The following PLEKHB2 variants were observed in gnomAD, a reference collection of about 807,000 sequenced individuals.
PLEKHB2 encodes the protein pleckstrin homology domain containing B2.
Under a neutral mutation model 36.5 loss-of-function variants are expected in PLEKHB2, and 31 were observed. The observed-to-expected ratio is 0.85, with a 90% CI of 0.64 to 1.15. PLEKHB2 has a LOEUF of 1.15. PLEKHB2 is among the 50% of genes most tolerant of loss of function. PLEKHB2 has a pLI of 0.00. For missense variants in PLEKHB2, 262 were observed against 295.3 expected (o/e 0.89, Z 0.83); for synonymous variants, 119 against 112.0 (o/e 1.06, Z -0.39).
chr2:131,138,245 T>G (rs1299276300), intron 6 of PLEKHB2, among the ~76,000 whole-genome samples: 2 of 152,082 alleles, frequency 1.3e-5, no homozygotes, highest in African/African-American at 4.8e-5. Context: ...ATGTATGTCT[T>G]TATATACTTT....
intron 1 of PLEKHB2, among the ~76,000 whole-genome samples, chr2:131,108,677 G>A (rs1694975754): frequency 6.6e-6 from 1 of 152,208 alleles, no homozygotes. Flanking sequence ...TTACAAATTT[G>A]TGTTGGGCTG....
chr2:131,114,078 G>A (rs554900169), intron 1 of PLEKHB2, among the ~76,000 whole-genome samples: 3 of 152,010 alleles, frequency 2.0e-5, no homozygotes, highest in African/African-American at 4.8e-5. Flanking sequence ...GTTGTGTCTC[G>A]TCTGCTTTTG....
chr2:131,137,739 T>C (rs1448580718), intron 6 of PLEKHB2, among the ~76,000 whole-genome samples: 8 of 152,130 alleles, frequency 5.3e-5, no homozygotes, highest in Non-Finnish European at 7.3e-5. Context: ...TGTCTCTCAA[T>C]TTCATTGATT....
chr2:131,146,835 A>C lies in PLEKHB2; in HGVS notation c.*62A>C. The C allele has an allele frequency of 7.1e-7, 1 of 1,403,890 alleles. No individual in the cohort carries two copies. Among genetic ancestry groups the C allele is most frequent in the Admixed American group, 2.4e-5 (1 of 41,252 alleles). 87.0% of individuals were successfully genotyped at this position (1,403,890 alleles called of 1,614,324 possible). A position where few individuals can be genotyped will look rare whatever the true frequency, so the allele number is the denominator to read the frequency against. On this transcript the variant is annotated 3_prime_UTR_variant, in exon 8 of 8. Coordinates refer to ENST00000693505, the MANE Select transcript of PLEKHB2 (RefSeq NM_001100623.2). ...CCCTGTGTGCAATAATATGATTTGC[A>C]GGGCATTTCTGTTTGTGACAAAAGT...
chr2:131,133,016 G>A, intron 6 of PLEKHB2, 25 bp downstream of exon 6: 1 of 1,564,838 alleles, frequency 6.4e-7, no homozygotes, highest in Non-Finnish European at 8.8e-7. Flanking sequence ...GAGCCTCCAG[G>A]TGAGGGAAGT....
chr2:131,123,578 G>A (rs1485495647), intron 2 of PLEKHB2, among the ~76,000 whole-genome samples: 8 of 152,190 alleles, frequency 5.3e-5, no homozygotes, highest in Non-Finnish European at 1.0e-4. Context: ...AGGCTGGAGT[G>A]CAATGGCATG....
At chr2:131,121,409 C>T (rs146058029) in intron 2 of PLEKHB2, among the ~76,000 whole-genome samples, 2,433 of 151,714 alleles carry the variant, frequency 0.016, 60 homozygotes, top group African/African-American at 0.056. Context: ...CCACCATGCC[C>T]GGCTAATTTT....
At chr2:131,142,173 A>G (rs1221024246) in intron 7 of PLEKHB2, among the ~76,000 whole-genome samples, 1 of 152,218 alleles carries the variant, frequency 6.6e-6, no homozygotes, top group African/African-American at 2.4e-5. Context: ...AAACCATGCA[A>G]ACATGGAAAA....
intron 1 of PLEKHB2, among the ~76,000 whole-genome samples, chr2:131,114,014 G>A (rs751494904): frequency 7.0e-4 from 107 of 152,192 alleles, no homozygotes; most frequent in Admixed American, 2.0e-3. Flanking sequence ...AAGTAGAGGT[G>A]GCCATATTTT....
chr2:131,128,865 G>T (rs975171593), intron 4 of PLEKHB2, among the ~76,000 whole-genome samples: 3 of 152,178 alleles, frequency 2.0e-5, no homozygotes, highest in African/African-American at 7.2e-5. Context: ...AACTGAATTG[G>T]CAGACCAAAG....
At chr2:131,115,668 C>CT (rs1695800333) in intron 1 of PLEKHB2, among the ~76,000 whole-genome samples, 1 of 152,056 alleles carries the variant, frequency 6.6e-6, no homozygotes, top group Non-Finnish European at 1.5e-5. Context: ...TATGTCTTTT[C>CT]TTTAACACAT....
intron 7 of PLEKHB2, among the ~76,000 whole-genome samples, chr2:131,145,111 A>G (rs548182630): frequency 1.3e-5 from 2 of 152,332 alleles, no homozygotes; most frequent in East Asian, 3.9e-4. Flanking sequence ...GTATAAATGC[A>G]TACTGTAGCC....
chr2:131,126,132 G>A lies in PLEKHB2; in HGVS notation c.190+227G>A, dbSNP rs192110786. ...CCTCGTTCTCGTGGAGAGGGAGCCA[G>A]AGCTCTGGGAACCTCAGGAAGCACA... On this transcript the variant is annotated intron_variant, in intron 3 of 7. Coordinates refer to ENST00000693505, the MANE Select transcript of PLEKHB2 (RefSeq NM_001100623.2). Among the ~76,000 whole-genome samples, 16 of 152,306 alleles carry A rather than the reference G, an allele frequency of 1.1e-4. No homozygotes were observed. In the East Asian group the frequency reaches 2.7e-3, roughly 26 times the overall value.
rs933514553 is a variant in PLEKHB2, at chr2:131,148,854, T to G, written c.*2081T>G. 6.6e-6 allele frequency: 1 copy of G among 152,252 alleles called. No individual in the cohort carries two copies. Among genetic ancestry groups the G allele is most frequent in the Non-Finnish European group, 1.5e-5 (1 of 68,050 alleles). The allele number at this position is 152,252 out of a possible 1,614,324, so 9.4% of individuals were successfully genotyped here. On this transcript the variant is annotated 3_prime_UTR_variant, in exon 8 of 8. Coordinates refer to ENST00000693505, the MANE Select transcript of PLEKHB2 (RefSeq NM_001100623.2). The stretch of plus-strand genomic sequence containing the variant: ...GCTTTCTTCAGATTATAATCGTTAT[T>G]AAAGCTGTATGTACACTTTACTTAA...
chr2:131,133,543 G>T (rs905837861), intron 6 of PLEKHB2, among the ~76,000 whole-genome samples: 1 of 152,170 alleles, frequency 6.6e-6, no homozygotes, highest in Non-Finnish European at 1.5e-5. Flanking sequence ...TTCCCCATTT[G>T]TTAATATTCG....
At chr2:131,112,090 G>A (rs1315162037) in intron 1 of PLEKHB2, among the ~76,000 whole-genome samples, 1 of 152,152 alleles carries the variant, frequency 6.6e-6, no homozygotes, top group Non-Finnish European at 1.5e-5. Flanking sequence ...AAACACCTAT[G>A]CGACTTTAGA....
intron 7 of PLEKHB2, among the ~76,000 whole-genome samples, chr2:131,142,310 A>G (rs563801637): frequency 6.6e-6 from 1 of 152,346 alleles, no homozygotes; most frequent in East Asian, 1.9e-4. Context: ...TCCTCCATAT[A>G]AAATATTTTC....
At chr2:131,125,688 C>A in intron 2 of PLEKHB2, 65 bp from the exon 3 acceptor site, 1 of 1,418,130 alleles carries the variant, frequency 7.1e-7, no homozygotes, top group Non-Finnish European at 9.6e-7. Context: ...TGCATTCCAA[C>A]TTGGGCGAAA....
chr2:131,144,214 C>G (rs903746664), intron 7 of PLEKHB2, among the ~76,000 whole-genome samples: 1 of 152,216 alleles, frequency 6.6e-6, no homozygotes, highest in Non-Finnish European at 1.5e-5. Context: ...GGTTAAGGCT[C>G]TCTCTTCAGT....
Sources: allele counts gnomAD v4.1 joint callset (sites outside exome capture counted in the v4.1 genomes callset), GRCh38; gene constraint gnomAD v4.1.1; transcripts MANE v1.5; gene names NCBI Gene and HGNC (gene_info 2026-07-23, HGNC 2026-07-21).